PDE7B: variants seen among roughly 807,000 people sequenced by gnomAD.
PDE7B encodes the protein phosphodiesterase 7B.
A neutral mutation model predicts 56.2 loss-of-function variants in PDE7B; 29 were observed. That is an observed-to-expected ratio of 0.52 (90% CI 0.38 to 0.70). The LOEUF (loss-of-function observed/expected upper bound fraction) is 0.70. PDE7B is among the 30% of genes least tolerant of loss of function. PDE7B has a pLI of 0.00. For missense variants in PDE7B, 490 were observed against 565.0 expected, an observed-to-expected ratio of 0.87 and a Z score of 1.35; for synonymous variants, 197 against 196.9, an observed-to-expected ratio of 1.00 and a Z score of 0.00.
intron 8 of PDE7B, among the ~76,000 whole-genome samples, chr6:136,173,168 C>G (rs1408982346): frequency 4.6e-5 from 7 of 152,072 alleles, no homozygotes; most frequent in South Asian, 2.1e-4. Context: ...AAGTTCATAT[C>G]GAACCAAAAA....
chr6:135,946,193 A>G (rs1774593213), intron 1 of PDE7B, among the ~76,000 whole-genome samples: 1 of 151,630 alleles, frequency 6.6e-6, no homozygotes, highest in Non-Finnish European at 1.5e-5. Flanking sequence ...TTTAAACATT[A>G]TATATGTCTT....
chr6:135,889,750 A>AT (rs35311247), intron 1 of PDE7B, among the ~76,000 whole-genome samples: 1,922 of 74,826 alleles, frequency 0.026, 59 homozygotes, highest in Non-Finnish European at 0.031. Flanking sequence ...CGGTGCTACC[A>AT]TTTTTTTTTT....
At chr6:136,106,820 T>C (rs929138208) in intron 2 of PDE7B, among the ~76,000 whole-genome samples, 3 of 152,212 alleles carry the variant, frequency 2.0e-5, no homozygotes, top group Non-Finnish European at 4.4e-5. Context: ...GTAGCTTTCC[T>C]TTATTGACCA....
chr6:136,138,910 T>A (rs1023342626), intron 3 of PDE7B, among the ~76,000 whole-genome samples: 6 of 152,178 alleles, frequency 3.9e-5, no homozygotes, highest in African/African-American at 1.4e-4. Flanking sequence ...CTACAAGGCA[T>A]CATAGAAAAT....
chr6:135,911,171 G>A (rs1776205972), intron 1 of PDE7B, among the ~76,000 whole-genome samples: 1 of 152,208 alleles, frequency 6.6e-6, no homozygotes, highest in Non-Finnish European at 1.5e-5. Flanking sequence ...CAAGAAGGCT[G>A]GGAGAGCTCT....
chr6:135,884,878 A>C (rs1329096246), intron 1 of PDE7B, among the ~76,000 whole-genome samples: 1 of 152,152 alleles, frequency 6.6e-6, no homozygotes, highest in African/African-American at 2.4e-5. Context: ...TTTGAGTTAG[A>C]AGGGACTATA....
chr6:135,967,348 G>A (rs937387522), intron 2 of PDE7B, among the ~76,000 whole-genome samples: 1 of 151,884 alleles, frequency 6.6e-6, no homozygotes, highest in Non-Finnish European at 1.5e-5. Flanking sequence ...AAGGACACAG[G>A]AAAAAAAATC....
intron 12 of PDE7B, among the ~76,000 whole-genome samples, chr6:136,189,676 T>C (rs1382493888): frequency 6.6e-6 from 1 of 152,136 alleles, no homozygotes; most frequent in Non-Finnish European, 1.5e-5. Context: ...CTTCAATCCT[T>C]GTCTACTCTG....
chr6:136,181,403 G>C (rs1779062582), intron 11 of PDE7B, 80 bp downstream of exon 11: 2 of 848,918 alleles, frequency 2.4e-6, no homozygotes, highest in Admixed American at 3.5e-5. Flanking sequence ...GGAAATGGCT[G>C]ATCTATCATG....
At chr6:136,159,160 C>T (rs1289712636) in intron 8 of PDE7B, among the ~76,000 whole-genome samples, 3 of 152,160 alleles carry the variant, frequency 2.0e-5, no homozygotes, top group Non-Finnish European at 4.4e-5. Flanking sequence ...TTTTGAACCA[C>T]TTGTTATTCT....
At chr6:135,882,086 T>G (rs1171597374) in intron 1 of PDE7B, among the ~76,000 whole-genome samples, 1 of 152,206 alleles carries the variant, frequency 6.6e-6, no homozygotes, top group Non-Finnish European at 1.5e-5. Context: ...CAAGAAGTTA[T>G]TAGGCTTGGG....
intron 2 of PDE7B, among the ~76,000 whole-genome samples, chr6:136,002,331 A>G (rs1412828403): frequency 1.3e-5 from 2 of 152,210 alleles, no homozygotes; most frequent in African/African-American, 4.8e-5. Context: ...TAATGACAGG[A>G]TCAAATTCAC....
intron 2 of PDE7B, among the ~76,000 whole-genome samples, chr6:136,098,281 A>C (rs1015044252): frequency 7.2e-5 from 11 of 152,052 alleles, no homozygotes; most frequent in African/African-American, 2.7e-4. Flanking sequence ...CAAAATGGAG[A>C]GGTAGTACAC....
intron 2 of PDE7B, among the ~76,000 whole-genome samples, chr6:135,962,878 T>C (rs140879588): frequency 1.5e-4 from 23 of 152,292 alleles, no homozygotes; most frequent in Non-Finnish European, 3.2e-4. Context: ...CCTTGTATCA[T>C]AGATCAACAT....
At chr6:136,022,750 G>A (rs996813621) in intron 2 of PDE7B, among the ~76,000 whole-genome samples, 2 of 152,178 alleles carry the variant, frequency 1.3e-5, no homozygotes, top group Admixed American at 1.3e-4. Flanking sequence ...AGAAGTGCAG[G>A]CAAGGAGCTT....
chr6:136,007,124 G>T (rs1203548604), intron 2 of PDE7B, among the ~76,000 whole-genome samples: 1 of 152,210 alleles, frequency 6.6e-6, no homozygotes, highest in Non-Finnish European at 1.5e-5. Flanking sequence ...ATAAAGGGAT[G>T]TTGGATTTTA....
intron 1 of PDE7B, among the ~76,000 whole-genome samples, chr6:135,880,461 AG>A (rs1218184754): frequency 6.6e-6 from 1 of 152,190 alleles, no homozygotes; most frequent in Non-Finnish European, 1.5e-5. Context: ...ATCTCAGGCA[AG>A]GGTACGGTAA....
intron 1 of PDE7B, among the ~76,000 whole-genome samples, chr6:135,939,253 G>A (rs1774468928): frequency 2.0e-5 from 3 of 152,168 alleles, no homozygotes; most frequent in Admixed American, 2.0e-4. Flanking sequence ...CAATGGATTT[G>A]TGTAGATTTT....
At chr6:135,879,969 A>G (rs1184635126) in intron 1 of PDE7B, among the ~76,000 whole-genome samples, 1 of 152,166 alleles carries the variant, frequency 6.6e-6, no homozygotes, top group Non-Finnish European at 1.5e-5. Flanking sequence ...AACTATAAAT[A>G]TCTACCCCCA....
Sources: gnomAD v4.1 joint callset for allele counts (sites outside exome capture counted in the v4.1 genomes callset) on GRCh38, gnomAD v4.1.1 for gene constraint, MANE v1.5 for transcripts, NCBI Gene and HGNC (gene_info 2026-07-23, HGNC 2026-07-21) for gene names.